MTCH1: variants seen among roughly 807,000 people sequenced by gnomAD.
MTCH1 encodes the protein mitochondrial carrier 1.
Under a neutral mutation model 49.3 loss-of-function variants are expected in MTCH1, and 23 were observed. The ratio of observed to expected loss-of-function variants is 0.47; its 90% confidence interval spans 0.34 to 0.66. MTCH1 has a LOEUF of 0.66. Among genes scored for constraint, MTCH1 ranks in the 30% least tolerant of loss-of-function variants. The probability of loss-of-function intolerance (pLI) is 0.01; values close to 1 mark genes in which losing one functional copy is unlikely to be tolerated. For synonymous variants in MTCH1, 229 were observed against 215.2 expected (o/e 1.06, Z -0.56); for missense variants, 397 against 532.1 (o/e 0.75, Z 2.50).
Position 36,972,361 on chromosome 6 carries a change from C to T in MTCH1, c.906+291G>A, listed in dbSNP as rs62406526. Among the ~76,000 whole-genome samples the T allele has an allele frequency of 0.047, 7,093 of 152,264 alleles. 218 individuals carry two copies. The highest frequency in any genetic ancestry group is 0.068 in the Middle Eastern group (20 of 294). On this transcript the variant is annotated intron_variant, in intron 8 of 11. Coordinates refer to ENST00000373627, the MANE Select transcript of MTCH1 (RefSeq NM_001271641.2). The surrounding 1 kb of genome is among the most constrained non-coding windows in gnomAD (Gnocchi z 4.1). Reference sequence around the variant, plus strand: ...TATTAGCTGGTCTATCTTCTGACTTCCTGAGCCCTAGTTGGGTCACTGCCT... The same window carrying T: ...TATTAGCTGGTCTATCTTCTGACTTTCTGAGCCCTAGTTGGGTCACTGCCT...
chr6:36,982,812 A>T lies in MTCH1; in HGVS notation c.322-1140T>A, dbSNP rs561401801. On this transcript the variant is annotated intron_variant, in intron 1 of 11. Coordinates refer to ENST00000373627, the MANE Select transcript of MTCH1 (RefSeq NM_001271641.2). This position sits in a 1 kb window ranked among gnomAD's most constrained non-coding sequence, Gnocchi z 4.1. ...GAGGAGGCAAGGTGTCAAGGAGACC[A>T]GCACCTAGGTGGGGAGTGAGAAGGC... 2.6e-5 allele frequency among the ~76,000 whole-genome samples: 4 copies of T among 152,348 alleles called. No homozygotes were observed. The highest frequency in any genetic ancestry group is 5.9e-5 in the Non-Finnish European group (4 of 68,036).
intron 6 of MTCH1, 76 bp from the exon 7 acceptor site, chr6:36,975,793 G>A: frequency 7.3e-7 from 1 of 1,370,458 alleles, no homozygotes; most frequent in Non-Finnish European, 1.0e-6. Context: ...GTGGGGCTGA[G>A]CCCACCAGTT....
Position 36,968,986 on chromosome 6 carries a change from G to C in MTCH1, c.1099-12C>G. 1 of 1,613,640 alleles carries C rather than the reference G, an allele frequency of 6.2e-7. No homozygotes were observed. Among genetic ancestry groups the C allele is most frequent in the South Asian group, 1.1e-5 (1 of 91,044 alleles). On this transcript the variant is annotated splice_polypyrimidine_tract_variant and intron_variant, in intron 11 of 11. Transcript: ENST00000373627. ...CGGAAGAGCTGGCCCTGGACCAGAA[G>C]GAAAAGTAAGGTGAGTGAAAGGGAG...
At position 36,970,393 on chromosome 6, in the gene MTCH1, G is replaced by A. The variant is rs1371982130; in HGVS notation, c.1022+13C>T. On this transcript the variant is annotated intron_variant, in intron 10 of 11. Coordinates refer to ENST00000373627, the MANE Select transcript of MTCH1 (RefSeq NM_001271641.2). ...TGGTAGGTAGAGTGGCAAGTAGAGG[G>A]GCGCACACCTACCCGCAGTTGTTCA... 1 of 1,613,954 alleles carries A rather than the reference G, an allele frequency of 6.2e-7. No individual in the cohort carries two copies. Among genetic ancestry groups the A allele is most frequent in the Admixed American group, 1.7e-5 (1 of 60,030 alleles).
chr6:36,986,231 C>T (rs1226809845), upstream of MTCH1: 10 of 1,359,622 alleles, frequency 7.4e-6, no homozygotes, highest in South Asian at 6.4e-5. Context: ...CCCTCACCGG[C>T]GTCAGGGGGC....
At chr6:36,970,521 G>C (rs777982185) in intron 9 of MTCH1, 48 bp from the exon 10 acceptor site, 2 of 1,610,192 alleles carry the variant, frequency 1.2e-6, no homozygotes, top group Non-Finnish European at 1.7e-6. Flanking sequence ...CCGGCCCAGG[G>C]AGCAGGGACA....
At chr6:36,976,619 A>G (rs1229463945) in intron 6 of MTCH1, 13 of 470,256 alleles carry the variant, frequency 2.8e-5, no homozygotes, top group Non-Finnish European at 4.4e-5. Context: ...CACCGACCCC[A>G]GGAAATGAGA....
chr6:36,968,902 G>A lies in MTCH1; in HGVS notation c.*1C>T. Reference sequence around the variant, plus strand: ...AGACCGTGTTTTTTAGATGATTCAGGTTACTCCAGGGCAAAGCATGATCCT... The same window carrying A: ...AGACCGTGTTTTTTAGATGATTCAGATTACTCCAGGGCAAAGCATGATCCT... On this transcript the variant is annotated 3_prime_UTR_variant, in exon 12 of 12. Transcript: ENST00000373627. 5 of 1,614,040 alleles carry A rather than the reference G, an allele frequency of 3.1e-6. No individual in the cohort carries two copies. Among genetic ancestry groups the A allele is most frequent in the Non-Finnish European group, 4.2e-6 (5 of 1,179,966 alleles).
intron 7 of MTCH1, 65 bp downstream of exon 7, chr6:36,975,593 T>C: frequency 6.6e-7 from 1 of 1,514,016 alleles, no homozygotes; most frequent in Non-Finnish European, 9.2e-7. Context: ...GTCTGAGAGG[T>C]TGAGGACACA....
intron 8 of MTCH1, 78 bp from the exon 9 acceptor site, chr6:36,970,772 A>C: frequency 6.8e-7 from 1 of 1,467,110 alleles, no homozygotes; most frequent in Non-Finnish European, 9.4e-7. Flanking sequence ...CCCTCACCCC[A>C]CCCTCTGTGC....
chr6:36,976,130 AG>A (rs910040842), intron 6 of MTCH1, among the ~76,000 whole-genome samples: 3 of 152,060 alleles, frequency 2.0e-5, no homozygotes, highest in Non-Finnish European at 4.4e-5. Context: ...TAAGAGTAGG[AG>A]GGGGTAGTAA....
chr6:36,981,510 G>C, intron 2 of MTCH1, 78 bp downstream of exon 2: 7 of 1,391,286 alleles, frequency 5.0e-6, no homozygotes, highest in Non-Finnish European at 7.0e-6. Flanking sequence ...TGAGTTCCCC[G>C]GGGCCAGCTG....
At chr6:36,974,524 C>A (rs986212512) in intron 7 of MTCH1, among the ~76,000 whole-genome samples, 1 of 152,056 alleles carries the variant, frequency 6.6e-6, no homozygotes, top group Non-Finnish European at 1.5e-5. Flanking sequence ...ATGCAAGCAA[C>A]GACACCTGAC....
chr6:36,981,505 T>TC, intron 2 of MTCH1, 83 bp downstream of exon 2: 1 of 1,323,922 alleles, frequency 7.6e-7, no homozygotes, highest in Non-Finnish European at 1.1e-6. Context: ...CGCAGTGAGT[T>TC]CCCCGGGGCC....
At chr6:36,983,491 T>A (rs528786179) in intron 1 of MTCH1, among the ~76,000 whole-genome samples, 1 of 152,314 alleles carries the variant, frequency 6.6e-6, no homozygotes, top group African/African-American at 2.4e-5. Flanking sequence ...ATCTGTTGAA[T>A]CTATTTTCTT....
intron 6 of MTCH1, 112 bp from the exon 7 acceptor site, chr6:36,975,829 A>T: frequency 2.2e-6 from 2 of 907,074 alleles, no homozygotes; most frequent in Non-Finnish European, 3.6e-6. Flanking sequence ...CAGTCCTGGC[A>T]GGGATGGGGA....
At chr6:36,974,893 T>C (rs112003093) in intron 7 of MTCH1, among the ~76,000 whole-genome samples, 1 of 152,184 alleles carries the variant, frequency 6.6e-6, no homozygotes, top group South Asian at 2.1e-4. Context: ...GACATACTTA[T>C]CAGCATGTAT....
intron 6 of MTCH1, 121 bp from the exon 7 acceptor site, chr6:36,975,838 G>A: frequency 1.2e-6 from 1 of 830,344 alleles, no homozygotes. Context: ...CAGGGATGGG[G>A]AGGACTATTA....
chr6:36,985,775 C>G (rs2150755614), intron 1 of MTCH1, 78 bp downstream of exon 1: 1 of 1,415,560 alleles, frequency 7.1e-7, no homozygotes, highest in East Asian at 3.3e-5. Flanking sequence ...CATTGACTGC[C>G]CGCCCCAATC....
Sources: allele counts gnomAD v4.1 joint callset (sites outside exome capture counted in the v4.1 genomes callset), GRCh38; gene constraint gnomAD v4.1.1; non-coding constraint Gnocchi (gnomAD v3.1); transcripts MANE v1.5; gene names NCBI Gene and HGNC (gene_info 2026-07-23, HGNC 2026-07-21).